SLC25A23: variants seen among roughly 807,000 people sequenced by gnomAD.
The protein encoded by SLC25A23 is solute carrier family 25 member 23.
A neutral mutation model predicts 53.9 loss-of-function variants in SLC25A23; 32 were observed. The observed-to-expected ratio is 0.59, with a 90% CI of 0.45 to 0.80. The LOEUF (loss-of-function observed/expected upper bound fraction) is 0.80. SLC25A23 is among the 30% of genes least tolerant of loss of function. SLC25A23 has a pLI of 0.00. For missense variants in SLC25A23, 575 were observed against 651.4 expected (o/e 0.88, Z 1.28); for synonymous variants, 275 against 264.5 (o/e 1.04, Z -0.38).
chr19:6,459,338 G>A lies in SLC25A23; in HGVS notation c.156+135C>T, dbSNP rs1050307826. 2.8e-6 allele frequency: 2 copies of A among 714,640 alleles called. No homozygotes were observed. The highest frequency in any genetic ancestry group is 6.8e-5 in the East Asian group (2 of 29,570). The allele number at this position is 714,640 out of a possible 1,614,324, so 44.3% of individuals were successfully genotyped here. ...TAGGCCAAACACGAGTGGGTAGGGG[G>A]AACGAGACAGAGACACAGGTTCTGG... On this transcript the variant is annotated intron_variant, in intron 1 of 9. Coordinates refer to ENST00000301454, the MANE Select transcript of SLC25A23 (RefSeq NM_024103.3). The surrounding 1 kb of genome is among the most constrained non-coding windows in gnomAD (Gnocchi z 4.6).
downstream of SLC25A23, among the ~76,000 whole-genome samples, chr19:6,437,527 C>T (rs1353000818): frequency 1.3e-5 from 2 of 152,114 alleles, no homozygotes; most frequent in Non-Finnish European, 1.5e-5. Flanking sequence ...GACATGGAAT[C>T]GGCCAGGCGC....
intron 8 of SLC25A23, among the ~76,000 whole-genome samples, chr19:6,449,590 A>C (rs981973698): frequency 1.3e-5 from 2 of 151,240 alleles, no homozygotes; most frequent in Non-Finnish European, 3.0e-5. Context: ...AATTTTTTGT[A>C]TTTTTAGTAG....
In SLC25A23 at chr19:6,444,185, C is replaced by G. The variant is rs138598051; in HGVS notation, c.1188G>C (p.Pro396=). 0.014 allele frequency: 23,087 copies of G among 1,597,018 alleles called. 235 individuals are homozygous for G. Among genetic ancestry groups the G allele is most frequent in the South Asian group, 0.032 (2,839 of 88,150 alleles). The change falls in exon 9 of 10, where the codon CCG becomes CCC. Residue 396 remains proline (P), a synonymous_variant. Transcript: ENST00000301454. ...SSTCGQIASY[P]LALVRTRMQA... ...GCATGCGGGTCCGGACCAGGGCCAG[C>G]GGGTAACTGGCTATCTGGCCGCAGG...
rs999580848 is a variant in SLC25A23 at position 6,458,431 on chromosome 19, G to T, written c.157-107C>A. On this transcript the variant is annotated intron_variant, in intron 1 of 9. Transcript: ENST00000301454. ...GAACCCAGAGCCCCCAGCGCCTTGA[G>T]GAAGGGGATAGAAGACGTCACCCCA... 32 of 1,301,132 alleles carry T rather than the reference G, an allele frequency of 2.5e-5. No individual in the cohort carries two copies. The Admixed American group carries it at 8.1e-4, about 33-fold the overall frequency. 80.6% of individuals were successfully genotyped at this position (1,301,132 alleles called of 1,614,324 possible). A position where few individuals can be genotyped will look rare whatever the true frequency, so the allele number is the denominator to read the frequency against.
At chr19:6,456,364 GC>G (rs1008982712) in intron 4 of SLC25A23, 55 bp downstream of exon 4, 2 of 1,540,050 alleles carry the variant, frequency 1.3e-6, no homozygotes, top group South Asian at 1.1e-5. Context: ...TCGGAGCAAG[GC>G]CCCCCTGGGG....
intron 8 of SLC25A23, among the ~76,000 whole-genome samples, chr19:6,449,966 T>A (rs1241425816): frequency 6.7e-6 from 1 of 149,390 alleles, no homozygotes; most frequent in African/African-American, 2.5e-5. Context: ...CAAGCGATTC[T>A]CCTACCTCAG....
intron 7 of SLC25A23, among the ~76,000 whole-genome samples, chr19:6,452,979 A>G (rs912792808): frequency 5.3e-5 from 8 of 152,244 alleles, no homozygotes; most frequent in Admixed American, 5.2e-4. Flanking sequence ...ACTATGTCCT[A>G]GCCAAAGAAA....
chr19:6,459,323 A>T lies in SLC25A23; in HGVS notation c.156+150T>A. The stretch of plus-strand genomic sequence containing the variant: ...CTTGAGCGATCCCGTTAGGCCAAAC[A>T]CGAGTGGGTAGGGGGAACGAGACAG... On this transcript the variant is annotated intron_variant, in intron 1 of 9. Transcript: ENST00000301454. This position sits in a 1 kb window ranked among gnomAD's most constrained non-coding sequence, Gnocchi z 4.6. The T allele has an allele frequency of 1.6e-6, 1 of 636,742 alleles. No individual in the cohort carries two copies. Among genetic ancestry groups the T allele is most frequent in the Non-Finnish European group, 2.4e-6 (1 of 411,592 alleles). The allele number at this position is 636,742 out of a possible 1,614,324, so 39.4% of individuals were successfully genotyped here.
intron 7 of SLC25A23, among the ~76,000 whole-genome samples, chr19:6,453,703 G>A (rs1313880536): frequency 1.3e-5 from 2 of 152,078 alleles, no homozygotes; most frequent in African/African-American, 2.4e-5. Context: ...CCCTGGGAAC[G>A]TGCACCCTAT....
rs548130469 is a variant in SLC25A23 at position 6,451,439 on chromosome 19, G to A, written c.1071+873C>T. ...ATAATTTCGAGACAGCAGTAGCAGAGCGTTACACCAAGCACAGGGCCCTTC... is the reference window on the plus strand; with the variant it reads ...ATAATTTCGAGACAGCAGTAGCAGAACGTTACACCAAGCACAGGGCCCTTC... On this transcript the variant is annotated intron_variant, in intron 8 of 9. Coordinates refer to ENST00000301454, the MANE Select transcript of SLC25A23 (RefSeq NM_024103.3). Among the ~76,000 whole-genome samples, 8 of 152,322 alleles carry A rather than the reference G, an allele frequency of 5.3e-5. No individual in the cohort carries two copies. The East Asian group carries it at 1.3e-3, about 26-fold the overall frequency.
Position 6,454,186 on chromosome 19 carries a change from G to C in SLC25A23, c.796-98C>G. 1 of 1,512,000 alleles carries C rather than the reference G, an allele frequency of 6.6e-7. No homozygotes were observed. Among genetic ancestry groups the C allele is most frequent in the Admixed American group, 1.9e-5 (1 of 53,374 alleles). 93.7% of individuals were successfully genotyped at this position (1,512,000 alleles called of 1,614,324 possible). ...GCTTCCAAAGAACTGGCTTGCTGCA[G>C]GCATTCATGCAGAGGAGCAGATGCC... On this transcript the variant is annotated intron_variant, in intron 6 of 9. Coordinates refer to ENST00000301454, the MANE Select transcript of SLC25A23 (RefSeq NM_024103.3). The surrounding 1 kb of genome is among the most constrained non-coding windows in gnomAD (Gnocchi z 4.3).
chr19:6,456,382 G>A, intron 4 of SLC25A23, 38 bp downstream of exon 4: 1 of 1,589,786 alleles, frequency 6.3e-7, no homozygotes, highest in Non-Finnish European at 8.6e-7. Flanking sequence ...GGGGAAGAGG[G>A]CACAGCCTTC....
intron 4 of SLC25A23, among the ~76,000 whole-genome samples, chr19:6,455,282 A>T (rs909034194): frequency 6.6e-6 from 1 of 152,126 alleles, no homozygotes; most frequent in African/African-American, 2.4e-5. Flanking sequence ...TAACAGCAAA[A>T]AAAGATCCCT....
At chr19:6,446,063 A>G (rs2144848555) in intron 8 of SLC25A23, among the ~76,000 whole-genome samples, 1 of 149,244 alleles carries the variant, frequency 6.7e-6, no homozygotes, top group South Asian at 2.1e-4. Context: ...AGTGAGACTC[A>G]GTATCAAAAA....
In SLC25A23 at chr19:6,454,795, C is replaced by G; in HGVS notation, c.484-78G>C. ...GACTCAGTCCTAAATAGGGGAGTCT[C>G]CTCTATGAATCCTAGGATACCCTAG... On this transcript the variant is annotated intron_variant, in intron 4 of 9. Coordinates refer to ENST00000301454, the MANE Select transcript of SLC25A23 (RefSeq NM_024103.3). The surrounding 1 kb of genome is among the most constrained non-coding windows in gnomAD (Gnocchi z 4.3). 1 of 1,530,552 alleles carries G rather than the reference C, an allele frequency of 6.5e-7. No individual in the cohort carries two copies. Among genetic ancestry groups the G allele is most frequent in the Middle Eastern group, 2.0e-4 (1 of 4,944 alleles). The allele number at this position is 1,530,552 out of a possible 1,614,324, so 94.8% of individuals were successfully genotyped here.
At position 6,456,544 on chromosome 19, in the gene SLC25A23, AAG is replaced by A; in HGVS notation, c.372-15_372-14del. Reference sequence around the variant, plus strand: ...GTCTCGGTCCATGCTGGGGGGAAGAAAGGGGGTGGAGGAGGACAGGTTCAGTG... The same window carrying A: ...GTCTCGGTCCATGCTGGGGGGAAGAAGGGGTGGAGGAGGACAGGTTCAGTG... On this transcript the variant is annotated splice_polypyrimidine_tract_variant and intron_variant, in intron 3 of 9. Coordinates refer to ENST00000301454, the MANE Select transcript of SLC25A23 (RefSeq NM_024103.3). 5.8e-6 allele frequency: 9 copies of A among 1,554,144 alleles called. No homozygotes were observed. The highest frequency in any genetic ancestry group is 8.0e-6 in the Non-Finnish European group (9 of 1,127,456).
In SLC25A23 at chr19:6,456,394, G is replaced by A. The variant is rs117353047; in HGVS notation, c.483+26C>T. ...CCTGGGGAAGAGGGCACAGCCTTCA[G>A]CTGGGGAAAGCCACCCCCACCTCAC... On this transcript the variant is annotated intron_variant, in intron 4 of 9. Transcript: ENST00000301454. 1.3e-4 allele frequency: 214 copies of A among 1,605,726 alleles called. 1 individual carries two copies. The highest frequency in any genetic ancestry group is 1.8e-4 in the Non-Finnish European group (206 of 1,172,540).
chr19:6,442,001 G>C lies in SLC25A23; in HGVS notation c.1381C>G (p.Gln461Glu). 6.8e-6 allele frequency: 11 copies of C among 1,613,908 alleles called. No homozygotes were observed. Among genetic ancestry groups the C allele is most frequent in the Non-Finnish European group, 9.3e-6 (11 of 1,179,918 alleles). The change falls in exon 10 of 10, where the codon CAG (glutamine) becomes GAG (glutamate). Residue 461 changes from glutamine to glutamate, a missense_variant. By Grantham distance (29) the Gln-to-Glu change is conservative. Transcript: ENST00000301454. ...CACCTGGACGTGACCCCCAAGGCCT[G>C]CTTCATGTTCTCGTAGACCACATAG... Reference protein sequence around the residue: ...ISYVVYENMKQALGVTSR With the variant: ...ISYVVYENMKEALGVTSR
At chr19:6,443,758 A>T in intron 9 of SLC25A23, 1 of 615,838 alleles carries the variant, frequency 1.6e-6, no homozygotes, top group East Asian at 2.8e-5. Context: ...GACGGGGGGA[A>T]ATAATTCATA....
Sources: gnomAD v4.1 joint callset for allele counts (sites outside exome capture counted in the v4.1 genomes callset) on GRCh38, gnomAD v4.1.1 for gene constraint, Gnocchi (gnomAD v3.1) non-coding constraint, MANE v1.5 for transcripts, NCBI Gene and HGNC (gene_info 2026-07-23, HGNC 2026-07-21) for gene names.